PLXNA2: variants seen among roughly 807,000 people sequenced by gnomAD.
PLXNA2 encodes plexin-A2.
In PLXNA2, 91 loss-of-function variants were observed where a neutral mutation model predicts 193.5. The ratio of observed to expected loss-of-function variants is 0.47; its 90% CI spans 0.40 to 0.56. The LOEUF is 0.56. Among genes scored for constraint, PLXNA2 ranks in the 20% least tolerant of loss-of-function variants. The pLI, the probability that PLXNA2 is intolerant of heterozygous loss-of-function variation, is 0.00. For synonymous variants in PLXNA2, 997 were observed against 1,027.3 expected, an observed-to-expected ratio of 0.97 and a Z score of 0.56; for missense variants, 1,995 against 2,503.2, an observed-to-expected ratio of 0.80 and a Z score of 4.33.
Position 208,026,235 on chromosome 1 carries a change from G to A in PLXNA2, c.*1008C>T, listed in dbSNP as rs1333295173. On this transcript the variant is annotated 3_prime_UTR_variant, in exon 32 of 32. Coordinates refer to ENST00000367033, the MANE Select transcript of PLXNA2 (RefSeq NM_025179.4). ...CCAGGCCGTTTCCCCAGGGTGCCTG[G>A]TTTATGACAGGGATTGATATGAGGC... 6.6e-6 allele frequency: 1 copy of A among 152,294 alleles called. No homozygotes were observed. The highest frequency in any genetic ancestry group is 2.4e-5 in the African/African-American group (1 of 41,452). 9.4% of individuals were successfully genotyped at this position (152,294 alleles called of 1,614,324 possible).
At chr1:208,125,875 T>A (rs10863699) in intron 4 of PLXNA2, among the ~76,000 whole-genome samples, 80,558 of 151,954 alleles carry the variant, frequency 0.53, 21,832 homozygotes, top group African/African-American at 0.57. Flanking sequence ...GACAGGCAGT[T>A]TTACCATAAG....
chr1:208,233,272 C>G (rs1415024255), intron 1 of PLXNA2, among the ~76,000 whole-genome samples: 1 of 152,230 alleles, frequency 6.6e-6, no homozygotes, highest in African/African-American at 2.4e-5. Context: ...TCTATAAACA[C>G]TCGTTCAGTC....
chr1:208,114,276 C>A (rs1333163293), intron 4 of PLXNA2, among the ~76,000 whole-genome samples: 1 of 152,218 alleles, frequency 6.6e-6, no homozygotes, highest in Non-Finnish European at 1.5e-5. Flanking sequence ...GTTTTCTAAT[C>A]TTCCATCCTT....
intron 1 of PLXNA2, among the ~76,000 whole-genome samples, 194 bp downstream of exon 1, chr1:208,243,449 C>T (rs1200865142): frequency 6.6e-6 from 1 of 151,976 alleles, no homozygotes; most frequent in Non-Finnish European, 1.5e-5. Context: ...CCTGCGATCG[C>T]GCGCACGCCG....
chr1:208,197,015 T>C (rs1572021746), intron 3 of PLXNA2, among the ~76,000 whole-genome samples: 1 of 152,276 alleles, frequency 6.6e-6, no homozygotes, highest in Middle Eastern at 3.4e-3. Context: ...CTGAAGAAGG[T>C]ATTATTATGA....
chr1:208,039,370 C>T (rs1664782375), intron 24 of PLXNA2, among the ~76,000 whole-genome samples: 1 of 146,962 alleles, frequency 6.8e-6, no homozygotes, highest in African/African-American at 2.5e-5. Flanking sequence ...ACCAATTACC[C>T]AATAACTAAT....
At chr1:208,242,544 C>T (rs911266483) in intron 1 of PLXNA2, among the ~76,000 whole-genome samples, 7 of 152,186 alleles carry the variant, frequency 4.6e-5, no homozygotes, top group African/African-American at 1.7e-4. Context: ...ACTGGTGTGC[C>T]ACTGTCACTC....
In PLXNA2 at chr1:208,217,230, G is replaced by A. The variant is rs775858476; in HGVS notation, c.693C>T (p.Asp231=). Residue 231 remains aspartate, a synonymous_variant, in exon 2 of 32, where the codon GAC becomes GAT. Transcript: ENST00000367033. This position sits in a 1 kb window ranked among gnomAD's most constrained non-coding sequence, Gnocchi z 4.7. ...FVSSLIKIPS[D]TLALVSHFDI... ...CAAAGTGGGAGACCAGGGCCAGGGT[G>A]TCTGAAGGGATCTTGATGAGAGAGG... is the stretch of plus-strand genomic sequence containing the variant. 5 of 1,614,174 alleles carry A rather than the reference G, an allele frequency of 3.1e-6. No homozygotes were observed. In the Admixed American group the frequency reaches 8.3e-5, roughly 27 times the overall value.
intron 3 of PLXNA2, among the ~76,000 whole-genome samples, chr1:208,206,254 G>A (rs1256189057): frequency 1.3e-5 from 2 of 152,154 alleles, no homozygotes; most frequent in Non-Finnish European, 1.5e-5. Context: ...ACCCTCTTGC[G>A]ATGTTATCTC....
At position 208,038,488 on chromosome 1, in the gene PLXNA2, G is replaced by T; in HGVS notation, c.4661-14C>A. The T allele has an allele frequency of 6.2e-7, 1 of 1,600,510 alleles. No homozygotes were observed. Among genetic ancestry groups the T allele is most frequent in the East Asian group, 2.2e-5 (1 of 44,824 alleles). On this transcript the variant is annotated splice_polypyrimidine_tract_variant and intron_variant, in intron 25 of 31. Coordinates refer to ENST00000367033, the MANE Select transcript of PLXNA2 (RefSeq NM_025179.4). This position sits in a 1 kb window ranked among gnomAD's most constrained non-coding sequence, Gnocchi z 4.1. ...CTTGGCGCCACTCTGGGTGGAGGGG[G>T]TGGTGCAGGGAGCGGCGTGAGAGGG... is the stretch of plus-strand genomic sequence containing the variant.
At chr1:208,048,444 A>C (rs1665149011) in intron 17 of PLXNA2, among the ~76,000 whole-genome samples, 1 of 152,178 alleles carries the variant, frequency 6.6e-6, no homozygotes, top group Non-Finnish European at 1.5e-5. Flanking sequence ...ACATTCCTGC[A>C]TCCTTCCCTC....
intron 17 of PLXNA2, among the ~76,000 whole-genome samples, chr1:208,048,270 C>T (rs560398378): frequency 5.9e-5 from 9 of 152,322 alleles, no homozygotes; most frequent in African/African-American, 2.2e-4. Context: ...GGGGCAGCTT[C>T]AAAACCCAAA....
Position 208,079,465 on chromosome 1 carries a change from G to A in PLXNA2, c.2396-15C>T. The stretch of plus-strand genomic sequence containing the variant: ...GTAGAGATGGACTGCAAAGAGAGCA[G>A]GTGGTCACAGATGAAACCAGAAAGG... On this transcript the variant is annotated splice_polypyrimidine_tract_variant and intron_variant, in intron 11 of 31. Coordinates refer to ENST00000367033, the MANE Select transcript of PLXNA2 (RefSeq NM_025179.4). 1 of 1,549,504 alleles carries A rather than the reference G, an allele frequency of 6.5e-7. No homozygotes were observed. The highest frequency in any genetic ancestry group is 1.2e-5 in the South Asian group (1 of 85,584).
rs558673120 is a variant in PLXNA2, at chr1:208,029,076, A to C, written c.5226-34T>G. Reference sequence around the variant, plus strand: ...AAAGGCAGAGAAGACTTGAGAATGCATGCGGGCCGTGCCCCTTCTGCTGCC... The same window carrying C: ...AAAGGCAGAGAAGACTTGAGAATGCCTGCGGGCCGTGCCCCTTCTGCTGCC... On this transcript the variant is annotated intron_variant, in intron 29 of 31. Transcript: ENST00000367033. 3.7e-6 allele frequency: 6 copies of C among 1,612,322 alleles called. No individual in the cohort carries two copies. In the African/African-American group the frequency reaches 4.0e-5, roughly 11 times the overall value.
intron 3 of PLXNA2, among the ~76,000 whole-genome samples, chr1:208,206,723 T>A (rs1447539396): frequency 2.3e-4 from 35 of 151,886 alleles, no homozygotes. Context: ...TCTTATCACC[T>A]GCAATGCACT....
intron 12 of PLXNA2, among the ~76,000 whole-genome samples, chr1:208,069,453 G>A (rs1355959833): frequency 3.9e-5 from 6 of 152,204 alleles, no homozygotes; most frequent in Non-Finnish European, 4.4e-5. Context: ...CATTCTTGCA[G>A]CCACTAATTG....
intron 3 of PLXNA2, among the ~76,000 whole-genome samples, chr1:208,208,449 C>T (rs1670810854): frequency 6.6e-6 from 1 of 152,204 alleles, no homozygotes; most frequent in Admixed American, 6.5e-5. Context: ...GAGTATTGGG[C>T]CAGGCAATCT....
rs557017411 is a variant in PLXNA2, at chr1:208,198,410, C to T, written c.1371+11870G>A. ...GCATGGGTGATGGGCCCTGGCCCCA[C>T]GCTTTACCCAGCAGCTTTTGGCCTT... On this transcript the variant is annotated intron_variant, in intron 3 of 31. Transcript: ENST00000367033. 4.6e-5 allele frequency among the ~76,000 whole-genome samples: 7 copies of T among 152,354 alleles called. No homozygotes were observed. In the South Asian group the frequency reaches 8.3e-4, roughly 18 times the overall value.
intron 3 of PLXNA2, among the ~76,000 whole-genome samples, chr1:208,163,091 C>T (rs1198310556): frequency 3.3e-5 from 5 of 152,080 alleles, no homozygotes; most frequent in African/African-American, 4.8e-5. Flanking sequence ...TAGGCATGGA[C>T]TGACCCTTGA....
Sources: gnomAD v4.1 joint callset for allele counts (sites outside exome capture counted in the v4.1 genomes callset) on GRCh38, gnomAD v4.1.1 for gene constraint, Gnocchi (gnomAD v3.1) non-coding constraint, MANE v1.5 for transcripts, NCBI Gene and HGNC (gene_info 2026-07-23, HGNC 2026-07-21) for gene names.